RPS6KA5: variants seen among roughly 807,000 people sequenced by gnomAD.
RPS6KA5 encodes ribosomal protein S6 kinase A5.
Under a neutral mutation model 85.5 loss-of-function variants are expected in RPS6KA5, and 27 were observed. The ratio of observed to expected loss-of-function variants is 0.32; its 90% CI spans 0.23 to 0.44. RPS6KA5 has a LOEUF of 0.44. Among genes scored for constraint, RPS6KA5 ranks in the 20% least tolerant of loss-of-function variants. The probability of loss-of-function intolerance (pLI) is 1.00; values close to 1 mark genes in which losing one functional copy is unlikely to be tolerated. For missense variants in RPS6KA5, 811 were observed against 980.9 expected, an observed-to-expected ratio of 0.83 and a Z score of 2.31; for synonymous variants, 334 against 348.2, an observed-to-expected ratio of 0.96 and a Z score of 0.46.
At chr14:90,923,466 ATCC>A (rs2036507507) in intron 5 of RPS6KA5, among the ~76,000 whole-genome samples, 1 of 151,856 alleles carries the variant, frequency 6.6e-6, no homozygotes, top group Non-Finnish European at 1.5e-5. Flanking sequence ...CCATCCATCC[ATCC>A]TTTCCATGAA....
chr14:91,008,676 C>A (rs1029872833), intron 1 of RPS6KA5, among the ~76,000 whole-genome samples: 3 of 152,122 alleles, frequency 2.0e-5, no homozygotes, highest in Non-Finnish European at 2.9e-5. Context: ...AAAGACTGTT[C>A]TAACTAGCTA....
At chr14:90,929,827 T>A (rs1366656551) in intron 5 of RPS6KA5, among the ~76,000 whole-genome samples, 2 of 152,146 alleles carry the variant, frequency 1.3e-5, no homozygotes, top group Non-Finnish European at 2.9e-5. Flanking sequence ...AGGAAAAAGA[T>A]CTCACCTTTT....
chr14:90,990,383 T>C (rs1420142948), intron 2 of RPS6KA5, among the ~76,000 whole-genome samples: 1 of 152,150 alleles, frequency 6.6e-6, no homozygotes, highest in Non-Finnish European at 1.5e-5. Context: ...AAATAACAGA[T>C]ACTGGTGAGG....
chr14:90,882,507 T>G (rs1488103038), intron 14 of RPS6KA5, among the ~76,000 whole-genome samples: 1 of 152,234 alleles, frequency 6.6e-6, no homozygotes, highest in Non-Finnish European at 1.5e-5. Flanking sequence ...CTGTCTAGTG[T>G]CCTTTCTTGT....
chr14:91,035,169 G>C (rs1367848648), intron 1 of RPS6KA5, among the ~76,000 whole-genome samples: 4 of 151,160 alleles, frequency 2.6e-5, no homozygotes, highest in African/African-American at 9.8e-5. Flanking sequence ...GGGCATCAAT[G>C]AAGTCTGCCT....
chr14:90,964,250 G>A (rs2038948844), intron 3 of RPS6KA5, among the ~76,000 whole-genome samples: 1 of 152,114 alleles, frequency 6.6e-6, no homozygotes, highest in Non-Finnish European at 1.5e-5. Flanking sequence ...GCACATACCG[G>A]CTATGTAGCC....
At chr14:91,053,052 T>C (rs2043161570) in intron 1 of RPS6KA5, among the ~76,000 whole-genome samples, 1 of 152,108 alleles carries the variant, frequency 6.6e-6, no homozygotes, top group African/African-American at 2.4e-5. Flanking sequence ...GAATACAAGG[T>C]TGGCTTAACA....
intron 2 of RPS6KA5, among the ~76,000 whole-genome samples, chr14:90,983,904 G>A (rs2039944569): frequency 1.3e-5 from 2 of 149,584 alleles, no homozygotes; most frequent in Non-Finnish European, 3.0e-5. Context: ...GAGTGCAGTG[G>A]CATGATCTTG....
chr14:91,047,975 T>C (rs1034943234), intron 1 of RPS6KA5, among the ~76,000 whole-genome samples: 2 of 152,238 alleles, frequency 1.3e-5, no homozygotes, highest in African/African-American at 4.8e-5. Context: ...ACTCTTGTGA[T>C]TTCATTGAGC....
chr14:91,034,535 G>A (rs927725079), intron 1 of RPS6KA5, among the ~76,000 whole-genome samples: 4 of 152,016 alleles, frequency 2.6e-5, no homozygotes, highest in African/African-American at 9.7e-5. Flanking sequence ...CTAAAGGATT[G>A]TAAACGCACC....
Position 90,906,709 on chromosome 14 carries a change from G to A in RPS6KA5, c.807-410C>T, listed in dbSNP as rs545951136. On this transcript the variant is annotated intron_variant, in intron 7 of 16. Transcript: ENST00000614987. Reference sequence around the variant, plus strand: ...GGAATTGAGCACTCAGATTTAAAAGGACAAAAGAGAACAACCATCTTTACC... The same window carrying A: ...GGAATTGAGCACTCAGATTTAAAAGAACAAAAGAGAACAACCATCTTTACC... Among the ~76,000 whole-genome samples the A allele has an allele frequency of 1.4e-4, 21 of 152,006 alleles. No individual in the cohort carries two copies. The South Asian group carries it at 4.2e-3, about 30-fold the overall frequency.
intron 2 of RPS6KA5, among the ~76,000 whole-genome samples, chr14:90,998,222 G>A (rs1383528667): frequency 2.0e-5 from 3 of 152,078 alleles, no homozygotes; most frequent in Admixed American, 2.0e-4. Context: ...AGCTTGCTTG[G>A]GCATTAATAG....
chr14:90,900,509 C>T, intron 10 of RPS6KA5, 102 bp downstream of exon 10: 1 of 1,203,600 alleles, frequency 8.3e-7, no homozygotes, highest in Middle Eastern at 2.1e-4. Context: ...TTTAAAATTG[C>T]ACTTTAGTTG....
intron 1 of RPS6KA5, among the ~76,000 whole-genome samples, chr14:91,044,409 GAAA>G (rs1566902492): frequency 1.9e-3 from 154 of 81,074 alleles, no homozygotes; most frequent in African/African-American, 5.3e-3. Context: ...AAGAAAGAAA[GAAA>G]GAAAGAAAGA....
intron 5 of RPS6KA5, among the ~76,000 whole-genome samples, chr14:90,923,782 A>T (rs2036524863): frequency 6.6e-6 from 1 of 152,178 alleles, no homozygotes; most frequent in East Asian, 1.9e-4. Context: ...ATGGTAAACA[A>T]AACTGTCTTT....
intron 14 of RPS6KA5, among the ~76,000 whole-genome samples, chr14:90,881,207 T>A (rs1224040990): frequency 6.6e-6 from 1 of 151,670 alleles, no homozygotes; most frequent in Non-Finnish European, 1.5e-5. Flanking sequence ...TCCCAGCACT[T>A]TGGGAGGCTA....
intron 1 of RPS6KA5, among the ~76,000 whole-genome samples, chr14:91,029,269 T>C (rs557949570): frequency 9.2e-5 from 14 of 152,204 alleles, no homozygotes; most frequent in Non-Finnish European, 1.8e-4. Context: ...TTCTAAAACT[T>C]TTTAAAAATG....
intron 14 of RPS6KA5, among the ~76,000 whole-genome samples, chr14:90,885,145 C>T (rs907283081): frequency 6.6e-6 from 1 of 150,994 alleles, no homozygotes; most frequent in Admixed American, 6.6e-5. Flanking sequence ...CCCAGCTACT[C>T]GGAAAACTGA....
At position 90,978,457 on chromosome 14, in the gene RPS6KA5, T is replaced by C. The variant is rs893950477; in HGVS notation, c.243A>G (p.Lys81=). 1.9e-6 allele frequency: 3 copies of C among 1,613,858 alleles called. No homozygotes were observed. The highest frequency in any genetic ancestry group is 2.7e-5 in the African/African-American group (2 of 74,940). Residue 81 remains lysine, a synonymous_variant, in exon 3 of 17, where the codon AAA becomes AAG. Transcript: ENST00000614987. The part of the protein sequence containing the change: ...GHDTGKLYAM[K]VLKKATIVQK... Reference sequence around the variant, plus strand: ...GAACGATTGTTGCCTTTTTCAAAACTTTCATGGCATACAGCTTTCCAGTAT... The same window carrying C: ...GAACGATTGTTGCCTTTTTCAAAACCTTCATGGCATACAGCTTTCCAGTAT...
Sources: gnomAD v4.1 joint callset for allele counts (sites outside exome capture counted in the v4.1 genomes callset) on GRCh38, gnomAD v4.1.1 for gene constraint, MANE v1.5 for transcripts, NCBI Gene and HGNC (gene_info 2026-07-23, HGNC 2026-07-21) for gene names.